OTP: variants seen among roughly 807,000 people sequenced by gnomAD.
The protein encoded by OTP is orthopedia homeobox.
In OTP, 5 loss-of-function variants were observed where a neutral mutation model predicts 22.3. That is an observed-to-expected ratio of 0.22 (90% CI 0.12 to 0.47). The LOEUF (loss-of-function observed/expected upper bound fraction) is 0.47. Ranked by LOEUF, OTP falls within the 20% of genes least tolerant of loss-of-function variation. The pLI is 0.99. For missense variants in OTP, 428 were observed against 456.2 expected (o/e 0.94, Z 0.56); for synonymous variants, 229 against 210.6 (o/e 1.09, Z -0.76).
intron 2 of OTP, among the ~76,000 whole-genome samples, chr5:77,634,137 C>T (rs1048312193): frequency 6.6e-6 from 1 of 152,174 alleles, no homozygotes; most frequent in Non-Finnish European, 1.5e-5. Context: ...AGTTATTTTA[C>T]TGATTTGGTT....
intron 2 of OTP, among the ~76,000 whole-genome samples, chr5:77,635,466 T>C (rs1744992681): frequency 6.6e-6 from 1 of 152,246 alleles, no homozygotes; most frequent in South Asian, 2.1e-4. Flanking sequence ...CCCAGACTTA[T>C]ATTGTATAAA....
chr5:77,636,172 A>G (rs1283181829), intron 2 of OTP: 1 of 152,208 alleles, frequency 6.6e-6, no homozygotes, highest in Non-Finnish European at 1.5e-5. Flanking sequence ...AGAGGACTCC[A>G]AAACAAAACG....
chr5:77,637,614 C>T (rs1357478246), intron 1 of OTP, among the ~76,000 whole-genome samples: 2 of 152,180 alleles, frequency 1.3e-5, no homozygotes, highest in Admixed American at 6.5e-5. Flanking sequence ...GAAAATTAAA[C>T]AATTCCTCGG....
Position 77,637,540 on chromosome 5 carries a change from G to A in OTP, c.38-310C>T, listed in dbSNP as rs546325201. On this transcript the variant is annotated intron_variant, in intron 1 of 2. Transcript: ENST00000306422. ...TGCCTCTGAATCCCTTCCATAAACC[G>A]TACCCCAGGCGCCCCAGGAAATCGA... Among the ~76,000 whole-genome samples the A allele has an allele frequency of 9.9e-5, 15 of 152,204 alleles. No homozygotes were observed. In the South Asian group the frequency reaches 2.7e-3, roughly 27 times the overall value.
rs1451575049 is a variant in OTP at position 77,628,946 on chromosome 5, G to C, written c.*1318C>G. ...ACATATTTGTTCATTCTTAGAAAGC[G>C]CTTCTGTTCTCTGGGTTTGGATTTG... On this transcript the variant is annotated 3_prime_UTR_variant, in exon 3 of 3. Transcript: ENST00000306422. 2 of 152,618 alleles carry C rather than the reference G, an allele frequency of 1.3e-5. No individual in the cohort carries two copies. The highest frequency in any genetic ancestry group is 1.5e-5 in the Non-Finnish European group (1 of 68,038). The allele number at this position is 152,618 out of a possible 1,614,324, so 9.5% of individuals were successfully genotyped here.
intron 2 of OTP, among the ~76,000 whole-genome samples, chr5:77,631,790 C>T (rs372468907): frequency 4.8e-4 from 73 of 152,004 alleles, no homozygotes; most frequent in African/African-American, 1.7e-3. Context: ...GTCTTGAACT[C>T]CTGACCTCGT....
chr5:77,630,897 C>G, intron 2 of OTP, 103 bp from the exon 3 acceptor site: 1 of 1,280,570 alleles, frequency 7.8e-7, no homozygotes, highest in Non-Finnish European at 1.0e-6. Flanking sequence ...TACAGCCGCT[C>G]TGCCCTGGGA....
At position 77,636,839 on chromosome 5, in the gene OTP, C is replaced by G; in HGVS notation, c.429G>C (p.Leu143=). The G allele has an allele frequency of 6.2e-7, 1 of 1,612,556 alleles. No individual in the cohort carries two copies. The highest frequency in any genetic ancestry group is 1.1e-5 in the South Asian group (1 of 90,832). ...CTCGTACCTGCACTCGGGACTCGGT[C>G]AGCCCGATACGCAGTGCCAGCTCCT... ...MREELALRIG[L]TESRVQVWFQ... is the part of the protein sequence containing the mutation. Residue 143 remains leucine (L), a synonymous_variant, in exon 2 of 3, where the codon CTG becomes CTC. Transcript: ENST00000306422.
In OTP at chr5:77,630,276, C is replaced by T. The variant is rs575107987; in HGVS notation, c.966G>A (p.Met322Ile). ...GGGCGCGGCTGCATTAAGTGAAGCT[C>T]ATAGAGACTGTGTGCTCTAGCGCCT... ...RRKALEHTVS[M>I]SFT Residue 322 changes from methionine to isoleucine, a missense_variant, in exon 3 of 3, where the codon ATG (methionine) becomes ATA (isoleucine). Met to Ile is a conservative substitution (Grantham distance 10, BLOSUM62 1). Coordinates refer to ENST00000306422, the MANE Select transcript of OTP (RefSeq NM_032109.3). 3.9e-6 allele frequency: 6 copies of T among 1,552,326 alleles called. No individual in the cohort carries two copies. Among genetic ancestry groups the T allele is most frequent in the Middle Eastern group, 2.3e-4 (1 of 4,382 alleles).
At chr5:77,634,247 C>T (rs183628314) in intron 2 of OTP, among the ~76,000 whole-genome samples, 6 of 152,304 alleles carry the variant, frequency 3.9e-5, no homozygotes, top group Non-Finnish European at 8.8e-5. Context: ...ATGATTCTCA[C>T]ATTGCTGCTT....
intron 1 of OTP, 72 bp from the exon 2 acceptor site, chr5:77,637,302 C>G (rs1053016806): frequency 1.4e-6 from 2 of 1,439,816 alleles, no homozygotes; most frequent in Admixed American, 2.8e-5. Context: ...CCCGCGCAGC[C>G]TTCCTTCAAC....
rs1744893502 is a variant in OTP, at chr5:77,629,872, G to T, written c.*392C>A. The stretch of plus-strand genomic sequence containing the variant: ...GCGGCGGGCGAGGGGGGTCGTAGGC[G>T]TCGCGTCGAAGGTGTGGGTGGGAAC... On this transcript the variant is annotated 3_prime_UTR_variant, in exon 3 of 3. Coordinates refer to ENST00000306422, the MANE Select transcript of OTP (RefSeq NM_032109.3). The T allele has an allele frequency of 1.2e-5, 2 of 173,810 alleles. No homozygotes were observed. Among genetic ancestry groups the T allele is most frequent in the African/African-American group, 4.8e-5 (2 of 41,416 alleles). 10.8% of individuals were successfully genotyped at this position (173,810 alleles called of 1,614,324 possible).
Position 77,637,132 on chromosome 5 carries a change from C to A in OTP, c.136G>T (p.Ala46Ser). ...CCCTCCACTGGGTCAGAGTTGGGCGCCAGGTCCCCCGGATGGCCCCCGGGG... is the reference window on the plus strand; with the variant it reads ...CCCTCCACTGGGTCAGAGTTGGGCGACAGGTCCCCCGGATGGCCCCCGGGG... ...SDPGGHPGDL[A>S]PNSDPVEGAT... is the part of the protein sequence containing the mutation. The change falls in exon 2 of 3, where the codon GCG becomes TCG. Residue 46 changes from alanine to serine, a missense_variant. Physicochemically the swap from Ala to Ser is moderately conservative, Grantham distance 99. This residue lies in a region of OTP where 176 missense variants were observed against 162.9 expected (regional missense o/e 1.08). Transcript: ENST00000306422. 6.2e-7 allele frequency: 1 copy of A among 1,604,732 alleles called. No homozygotes were observed.
rs759234533 is a variant in OTP at position 77,637,052 on chromosome 5, C to A, written c.216G>T (p.Ser72=). The A allele has an allele frequency of 6.2e-7, 1 of 1,612,976 alleles. No individual in the cohort carries two copies. Among genetic ancestry groups the A allele is most frequent in the Non-Finnish European group, 8.5e-7 (1 of 1,179,666 alleles). The part of the protein sequence containing the change: ...DITTVGSTPA[S]LAVSAKDPDK... ...CCGGGTCTTTGGCGCTCACCGCCAG[C>A]GAGGCCGGAGTAGAGCCCACTGTGG... The change falls in exon 2 of 3, where the codon TCG becomes TCT. Residue 72 remains serine, a synonymous_variant. Coordinates refer to ENST00000306422, the MANE Select transcript of OTP (RefSeq NM_032109.3).
rs1044002622 is a variant in OTP at position 77,630,046 on chromosome 5, G to T, written c.*218C>A. ...GGAAGAGGGGCGGCCGGGAGACGGG[G>T]GACCGCGGGCGATCGAAATCAGGCG... On this transcript the variant is annotated 3_prime_UTR_variant, in exon 3 of 3. Coordinates refer to ENST00000306422, the MANE Select transcript of OTP (RefSeq NM_032109.3). The T allele has an allele frequency of 6.3e-5, 17 of 267,824 alleles. No individual in the cohort carries two copies. Among genetic ancestry groups the T allele is most frequent in the Non-Finnish European group, 2.1e-5 (3 of 144,032 alleles). The allele number at this position is 267,824 out of a possible 1,614,324, so 16.6% of individuals were successfully genotyped here.
intron 1 of OTP, 77 bp from the exon 2 acceptor site, chr5:77,637,307 T>C: frequency 7.0e-7 from 1 of 1,432,792 alleles, no homozygotes; most frequent in Non-Finnish European, 9.2e-7. Context: ...GCAGCCTTCC[T>C]TCAACCCGTC....
Position 77,638,652 on chromosome 5 carries a change from A to C in OTP, c.-103T>G. ...TAAGCTATACGATATAGATATATAT[A>C]GATCACCTAAATGAAAGAAAATTCG... is the stretch of plus-strand genomic sequence containing the variant. On this transcript the variant is annotated 5_prime_UTR_variant, in exon 1 of 3. Coordinates refer to ENST00000306422, the MANE Select transcript of OTP (RefSeq NM_032109.3). 1 of 1,106,344 alleles carries C rather than the reference A, an allele frequency of 9.0e-7. No homozygotes were observed. Among genetic ancestry groups the C allele is most frequent in the South Asian group, 2.1e-5 (1 of 47,506 alleles). The allele number at this position is 1,106,344 out of a possible 1,614,324, so 68.5% of individuals were successfully genotyped here.
At position 77,638,518 on chromosome 5, in the gene OTP, C is replaced by T; in HGVS notation, c.32G>A (p.Arg11Lys). 6.3e-7 allele frequency: 1 copy of T among 1,576,584 alleles called. No homozygotes were observed. The change falls in exon 1 of 3, where the codon AGG becomes AAG. Residue 11 changes from arginine to lysine, a missense_variant. Arg to Lys is a conservative substitution (Grantham distance 26). This residue lies in a region of OTP where 176 missense variants were observed against 162.9 expected (regional missense o/e 1.08). Coordinates refer to ENST00000306422, the MANE Select transcript of OTP (RefSeq NM_032109.3). MLSHADLLDA[R>K]LGMKDAAELL... is the part of the protein sequence containing the mutation. ...GGCGAGAGGCGCGCACTCACCTAGC[C>T]TGGCGTCCAGGAGGTCGGCATGAGA... is the stretch of plus-strand genomic sequence containing the variant.
intron 2 of OTP, among the ~76,000 whole-genome samples, chr5:77,634,837 T>C (rs1214607772): frequency 1.3e-5 from 2 of 152,234 alleles, no homozygotes; most frequent in South Asian, 2.1e-4. Flanking sequence ...AAATTGTGTC[T>C]ATCAGCAGGC....
Sources: allele counts gnomAD v4.1 joint callset (sites outside exome capture counted in the v4.1 genomes callset), GRCh38; gene constraint gnomAD v4.1.1; regional missense constraint gnomAD v4.1.1; transcripts MANE v1.5; gene names NCBI Gene and HGNC (gene_info 2026-07-23, HGNC 2026-07-21).